The following LY96 variants were observed in gnomAD, a reference collection of about 807,000 sequenced individuals.
LY96 encodes lymphocyte antigen 96, also known as myeloid differentiation protein-2.
A neutral mutation model predicts 18.9 loss-of-function variants in LY96; 18 were observed. The ratio of observed to expected loss-of-function variants is 0.95; its 90% CI spans 0.66 to 1.41. LY96 has a LOEUF of 1.41. Among genes scored for constraint, LY96 ranks in the 40% most tolerant of loss-of-function variants. LY96 has a pLI of 0.00. For synonymous variants in LY96, 66 were observed against 62.6 expected, an observed-to-expected ratio of 1.06 and a Z score of -0.26; for missense variants, 175 against 182.4, an observed-to-expected ratio of 0.96 and a Z score of 0.23.
At position 73,997,545 on chromosome 8, in the gene LY96, A is replaced by T. The variant is rs1044776135; in HGVS notation, c.112+5991A>T. Among the ~76,000 whole-genome samples the T allele has an allele frequency of 1.6e-4, 24 of 152,296 alleles. 1 individual carries two copies. The East Asian group carries it at 4.0e-3, about 26-fold the overall frequency. On this transcript the variant is annotated intron_variant, in intron 1 of 4. Coordinates refer to ENST00000284818, the MANE Select transcript of LY96 (RefSeq NM_015364.5). ...ACAATTAGAGTGAAATCTCAACTTT[A>T]TACCAAGACCTCCAGGACTCCTCAG...
At chr8:74,054,603 CTTG>C in the LY96 span, among the ~76,000 whole-genome samples, 10 of 97,870 alleles carry the variant, frequency 1.0e-4, no homozygotes, top group African/African-American at 4.1e-4. Context: ...TTCTTTCTTT[CTTG>C]TTTCCTTTTC....
At chr8:74,036,427 C>T in the LY96 span, among the ~76,000 whole-genome samples, 1 of 152,092 alleles carries the variant, frequency 6.6e-6, no homozygotes, top group African/African-American at 2.4e-5. Context: ...GTGTCTTTCC[C>T]AATTGATCCT....
chr8:74,041,190 A>G, the LY96 span, among the ~76,000 whole-genome samples: 1 of 152,148 alleles, frequency 6.6e-6, no homozygotes, highest in Non-Finnish European at 1.5e-5. Context: ...TAAATTGTGA[A>G]GATTTCATTT....
At chr8:74,029,809 G>A (rs11993601), downstream of LY96, among the ~76,000 whole-genome samples, 3,825 of 152,224 alleles carry the variant, frequency 0.025, 172 homozygotes, top group African/African-American at 0.085. Flanking sequence ...ACAGGCACCT[G>A]CCATCACACC....
chr8:74,083,551 T>C, the LY96 span, among the ~76,000 whole-genome samples: 1 of 152,198 alleles, frequency 6.6e-6, no homozygotes, highest in African/African-American at 2.4e-5. Context: ...TAAAAAATTA[T>C]TGGCAATTCC....
chr8:74,068,768 TA>T, the LY96 span, among the ~76,000 whole-genome samples: 1 of 152,218 alleles, frequency 6.6e-6, no homozygotes, highest in African/African-American at 2.4e-5. Flanking sequence ...CTTTTGCCTT[TA>T]AAAAATTGTT....
chr8:74,073,206 C>A, the LY96 span, among the ~76,000 whole-genome samples: 1 of 152,162 alleles, frequency 6.6e-6, no homozygotes, highest in Non-Finnish European at 1.5e-5. Flanking sequence ...TATCGAGAAC[C>A]TAATCCCATA....
the LY96 span, among the ~76,000 whole-genome samples, chr8:74,099,163 T>C: frequency 1.3e-5 from 2 of 152,284 alleles, no homozygotes; most frequent in African/African-American, 4.8e-5. Context: ...GATATAACTA[T>C]TGGGAAATAC....
chr8:74,063,402 T>C, the LY96 span, among the ~76,000 whole-genome samples: 1 of 152,236 alleles, frequency 6.6e-6, no homozygotes. Context: ...ACAGAATTTG[T>C]TGACATTTTA....
At chr8:74,098,962 C>T in the LY96 span, among the ~76,000 whole-genome samples, 1 of 152,074 alleles carries the variant, frequency 6.6e-6, no homozygotes, top group Admixed American at 6.5e-5. Flanking sequence ...AGGAGGATGC[C>T]TCTCCTGAAA....
intron 3 of LY96, among the ~76,000 whole-genome samples, chr8:74,022,259 T>C (rs1816779587): frequency 1.3e-5 from 2 of 151,226 alleles, no homozygotes; most frequent in African/African-American, 4.9e-5. Context: ...AATACAAAAG[T>C]AGATGGGTGT....
intron 2 of LY96, among the ~76,000 whole-genome samples, chr8:74,005,294 C>A (rs1816388465): frequency 1.3e-5 from 2 of 152,178 alleles, no homozygotes; most frequent in African/African-American, 4.8e-5. Context: ...TTTTTCAAAG[C>A]CAGCGAGGGG....
chr8:74,033,542 CCTCTTTTTCCCCTAGGACTGATT>C, downstream of LY96, among the ~76,000 whole-genome samples: 1 of 152,240 alleles, frequency 6.6e-6, no homozygotes, highest in Non-Finnish European at 1.5e-5. Flanking sequence ...GAGCAGGGGG[CCTCTTTTTCCCCTAGGACTGATT>C]CTAACTTTAT....
At chr8:74,097,010 G>T in the LY96 span, among the ~76,000 whole-genome samples, 5 of 152,178 alleles carry the variant, frequency 3.3e-5, no homozygotes, top group African/African-American at 1.2e-4. Context: ...ACGGAGGTGG[G>T]TGGTCAGGGA....
At chr8:74,080,479 AG>A in the LY96 span, among the ~76,000 whole-genome samples, 1 of 152,194 alleles carries the variant, frequency 6.6e-6, no homozygotes. Flanking sequence ...TCCATGGCCA[AG>A]TGCATGCCCT....
At chr8:74,021,525 G>A (rs1274477674) in intron 3 of LY96, among the ~76,000 whole-genome samples, 1 of 152,184 alleles carries the variant, frequency 6.6e-6, no homozygotes, top group African/African-American at 2.4e-5. Context: ...ATTCCTCAAG[G>A]ATCTAGAACT....
intron 1 of LY96, among the ~76,000 whole-genome samples, chr8:74,000,019 T>A (rs1816231037): frequency 6.6e-6 from 1 of 152,222 alleles, no homozygotes; most frequent in Non-Finnish European, 1.5e-5. Flanking sequence ...GATCTTAAAG[T>A]AAAACCTTTC....
downstream of LY96, among the ~76,000 whole-genome samples, chr8:74,031,327 GC>G (rs1250443716): frequency 1.3e-5 from 2 of 152,114 alleles, no homozygotes; most frequent in Non-Finnish European, 2.9e-5. Context: ...TGTGTTTTTT[GC>G]TAAAGAAAAT....
At chr8:74,043,066 T>C in the LY96 span, among the ~76,000 whole-genome samples, 5 of 152,184 alleles carry the variant, frequency 3.3e-5, no homozygotes, top group African/African-American at 7.2e-5. Context: ...TGAGCCACCA[T>C]ACCTGGCCGG....
Sources: allele counts gnomAD v4.1 joint callset (sites outside exome capture counted in the v4.1 genomes callset), GRCh38; gene constraint gnomAD v4.1.1; transcripts MANE v1.5; gene names NCBI Gene and HGNC (gene_info 2026-07-23, HGNC 2026-07-21).